The following GRID2 variants were observed in gnomAD, a reference collection of about 807,000 sequenced individuals.
The protein encoded by GRID2 is glutamate ionotropic receptor delta type subunit 2, also known as glutamate receptor ionotropic, delta-2.
Under a neutral mutation model 114.8 loss-of-function variants are expected in GRID2, and 33 were observed. That is an observed-to-expected ratio of 0.29 (90% CI 0.22 to 0.38). The LOEUF (loss-of-function observed/expected upper bound fraction) is 0.38. Among genes scored for constraint, GRID2 ranks in the 10% least tolerant of loss-of-function variants. GRID2 has a pLI of 1.00. For missense variants in GRID2, 1,184 were observed against 1,257.7 expected (o/e 0.94, Z 0.89); for synonymous variants, 505 against 449.9 (o/e 1.12, Z -1.55).
At position 92,740,674 on chromosome 4, in the gene GRID2, T is replaced by C. The variant is rs1736830031; in HGVS notation, c.244+150388T>C. Among the ~76,000 whole-genome samples, 2 of 88,846 alleles carry C rather than the reference T, an allele frequency of 2.3e-5. 1 individual carries two copies. The highest frequency in any genetic ancestry group is 2.8e-4 in the Admixed American group (2 of 7,244). 58.3% of individuals were successfully genotyped at this position (88,846 alleles called of 152,430 possible). A position where few individuals can be genotyped will look rare whatever the true frequency, so the allele number is the denominator to read the frequency against. On this transcript the variant is annotated intron_variant, in intron 2 of 15. Transcript: ENST00000282020. ...GGTAGCACATCATGTTTATTCTGCA[T>C]AGATAGATAGATAGATGATAGATAG...
intron 1 of GRID2, among the ~76,000 whole-genome samples, chr4:92,558,403 C>T (rs958540914): frequency 3.9e-5 from 6 of 152,072 alleles, no homozygotes; most frequent in South Asian, 2.1e-4. Flanking sequence ...CTTTTATAAA[C>T]GTTGTTGAGC....
chr4:92,505,221 T>A (rs1270152586), intron 1 of GRID2, among the ~76,000 whole-genome samples: 1 of 151,992 alleles, frequency 6.6e-6, no homozygotes, highest in Admixed American at 6.6e-5. Flanking sequence ...GGAGCAATCA[T>A]AATGTAAGCC....
chr4:92,402,309 A>G (rs2110283125), intron 1 of GRID2, among the ~76,000 whole-genome samples: 1 of 152,184 alleles, frequency 6.6e-6, no homozygotes, highest in South Asian at 2.1e-4. Context: ...CTCCCATGAA[A>G]CACACGTTTT....
At chr4:92,996,967 C>T (rs1386380226) in intron 2 of GRID2, among the ~76,000 whole-genome samples, 1 of 152,108 alleles carries the variant, frequency 6.6e-6, no homozygotes, top group Non-Finnish European at 1.5e-5. Flanking sequence ...AAAAGTGAAC[C>T]ATGTTGCTAA....
At chr4:93,802,913 G>T (rs1734958891) in intron 1 of GRID2, among the ~76,000 whole-genome samples, 1 of 152,238 alleles carries the variant, frequency 6.6e-6, no homozygotes, top group African/African-American at 2.4e-5. Flanking sequence ...AAAGTGTAAT[G>T]CAGTTGATAA....
chr4:93,412,010 T>A (rs752707200), intron 9 of GRID2, among the ~76,000 whole-genome samples: 1 of 151,922 alleles, frequency 6.6e-6, no homozygotes, highest in Middle Eastern at 3.4e-3. Flanking sequence ...CTTGGTTTTT[T>A]AAAAAATGAC....
intron 14 of GRID2, among the ~76,000 whole-genome samples, chr4:93,686,452 T>C (rs1282451475): frequency 6.6e-6 from 1 of 151,714 alleles, no homozygotes; most frequent in African/African-American, 2.4e-5. Context: ...ATGTGCCAGA[T>C]ATTGCTTACA....
At chr4:92,828,845 A>G (rs1741910236) in intron 2 of GRID2, among the ~76,000 whole-genome samples, 1 of 152,082 alleles carries the variant, frequency 6.6e-6, no homozygotes, top group South Asian at 2.1e-4. Context: ...TTCTTCACCC[A>G]CTTTTTGATG....
At chr4:93,360,046 A>C (rs1761746777) in intron 8 of GRID2, among the ~76,000 whole-genome samples, 1 of 151,602 alleles carries the variant, frequency 6.6e-6, no homozygotes, top group Non-Finnish European at 1.5e-5. Flanking sequence ...CTTCTTTAAA[A>C]ATAGCTTTTA....
chr4:92,435,946 G>T (rs965042218), intron 1 of GRID2, among the ~76,000 whole-genome samples: 2 of 152,078 alleles, frequency 1.3e-5, no homozygotes, highest in African/African-American at 2.4e-5. Flanking sequence ...AGATTTTGTT[G>T]TTGTATCTGA....
At chr4:92,345,708 T>C (rs539372518) in intron 1 of GRID2, among the ~76,000 whole-genome samples, 33 of 152,346 alleles carry the variant, frequency 2.2e-4, no homozygotes, top group African/African-American at 7.5e-4. Flanking sequence ...GATTTCCTGC[T>C]ATTGCCAGTT....
intron 8 of GRID2, among the ~76,000 whole-genome samples, chr4:93,252,566 A>G (rs1367999863): frequency 2.0e-5 from 3 of 152,080 alleles, no homozygotes; most frequent in Non-Finnish European, 4.4e-5. Flanking sequence ...CTTTGGTTCC[A>G]TAAAAATTTT....
chr4:93,299,573 A>G lies in GRID2; in HGVS notation c.1245+61083A>G, dbSNP rs765196409. On this transcript the variant is annotated intron_variant, in intron 8 of 15. Transcript: ENST00000282020. ...TGTGGGGTGGGGGGAGGGGGGAGGG[A>G]TAGCATTAAGAGATATACCTAATGT... is the stretch of plus-strand genomic sequence containing the variant. Among the ~76,000 whole-genome samples the G allele has an allele frequency of 3.3e-5, 4 of 120,848 alleles. No homozygotes were observed. In the South Asian group the frequency reaches 1.2e-3, roughly 36 times the overall value. The allele number at this position is 120,848 out of a possible 152,430, so 79.3% of individuals were successfully genotyped here.
At chr4:92,800,016 A>T (rs553728955) in intron 2 of GRID2, among the ~76,000 whole-genome samples, 2 of 152,108 alleles carry the variant, frequency 1.3e-5, no homozygotes, top group East Asian at 3.9e-4. Flanking sequence ...TACAATTCCT[A>T]TAATTAATAT....
chr4:92,810,322 AT>A (rs1324013804), intron 2 of GRID2, among the ~76,000 whole-genome samples: 1 of 151,634 alleles, frequency 6.6e-6, no homozygotes, highest in Admixed American at 6.6e-5. Context: ...ACAGTTAGAT[AT>A]TTTCATTTTT....
chr4:93,086,266 C>T (rs1397049284), intron 3 of GRID2, among the ~76,000 whole-genome samples: 2 of 152,160 alleles, frequency 1.3e-5, no homozygotes, highest in African/African-American at 4.8e-5. Flanking sequence ...GAGGATTTCA[C>T]TCTCTGTAGC....
chr4:92,971,887 A>G (rs572709199), intron 2 of GRID2, among the ~76,000 whole-genome samples: 51 of 152,240 alleles, frequency 3.3e-4, no homozygotes, highest in Non-Finnish European at 6.6e-4. Context: ...TTTCAGGCAG[A>G]ATAGTATTCT....
intron 1 of GRID2, among the ~76,000 whole-genome samples, chr4:92,411,655 G>GTGTGTGTGTGTATGTATATATATATA: frequency 2.4e-5 from 2 of 84,724 alleles, no homozygotes; most frequent in African/African-American, 1.2e-4. Context: ...GTGTGTGTGT[G>GTGTGTGTGTGTATGTATATATATATA]TATATATATA....
chr4:93,573,171 T>G (rs1736090275), intron 13 of GRID2, among the ~76,000 whole-genome samples: 1 of 152,134 alleles, frequency 6.6e-6, no homozygotes, highest in Non-Finnish European at 1.5e-5. Flanking sequence ...AACTTTGAGT[T>G]TTTATTGTTC....
Sources: gnomAD v4.1 joint callset for allele counts (sites outside exome capture counted in the v4.1 genomes callset) on GRCh38, gnomAD v4.1.1 for gene constraint, MANE v1.5 for transcripts, NCBI Gene and HGNC (gene_info 2026-07-23, HGNC 2026-07-21) for gene names.